Variants in DPH6 observed in about 807,000 individuals in gnomAD.
The protein encoded by DPH6 is diphthine--ammonia ligase.
Under a neutral mutation model 38.2 loss-of-function variants are expected in DPH6, and 33 were observed. The ratio of observed to expected loss-of-function variants is 0.86; its 90% CI spans 0.65 to 1.15. The LOEUF (loss-of-function observed/expected upper bound fraction) is 1.15, where lower values mean the gene tolerates loss of function less well. DPH6 is among the 50% of genes most tolerant of loss of function. The pLI, the probability that DPH6 is intolerant of heterozygous loss-of-function variation, is 0.00. For missense variants in DPH6, 325 were observed against 320.0 expected (o/e 1.02, Z -0.12); for synonymous variants, 108 against 103.0 (o/e 1.05, Z -0.30).
chr15:35,205,329 T>C, the DPH6 span, among the ~76,000 whole-genome samples: 1 of 151,972 alleles, frequency 6.6e-6, no homozygotes, highest in Non-Finnish European at 1.5e-5. Flanking sequence ...GTGTATTTTG[T>C]CCATTTGTAC....
intron 3 of DPH6, among the ~76,000 whole-genome samples, chr15:35,232,329 C>T (rs1880505523): frequency 6.6e-6 from 1 of 152,142 alleles, no homozygotes; most frequent in African/African-American, 2.4e-5. Context: ...TGCCTGTAAT[C>T]TCAACACTTT....
chr15:35,358,931 G>A (rs2052590787), intron 3 of DPH6, among the ~76,000 whole-genome samples: 1 of 152,136 alleles, frequency 6.6e-6, no homozygotes, highest in Admixed American at 6.5e-5. Context: ...GTGGTGGGTA[G>A]GGCCCTAGAA....
intron 3 of DPH6, among the ~76,000 whole-genome samples, chr15:35,517,999 G>A (rs1254347122): frequency 6.6e-6 from 1 of 152,042 alleles, no homozygotes; most frequent in Non-Finnish European, 1.5e-5. Context: ...TTGGTTCACA[G>A]AGAAACAATT....
At chr15:35,189,922 G>A in the DPH6 span, among the ~76,000 whole-genome samples, 2 of 152,166 alleles carry the variant, frequency 1.3e-5, no homozygotes, top group African/African-American at 4.8e-5. Context: ...TGATTCTCTG[G>A]AATTTGAAGA....
chr15:35,541,523 T>A (rs903198389), intron 2 of DPH6, among the ~76,000 whole-genome samples: 6 of 152,154 alleles, frequency 3.9e-5, no homozygotes, highest in African/African-American at 1.4e-4. Context: ...GCCTACTTCA[T>A]GACAGGAACT....
chr15:35,446,284 G>A lies in DPH6; in HGVS notation c.505+4401C>T, dbSNP rs2053852392. On this transcript the variant is annotated intron_variant, in intron 5 of 8. Transcript: ENST00000256538. The stretch of plus-strand genomic sequence containing the variant: ...TCTTGCTCTTCACCCAGGTTGGAGT[G>A]CAGAGGTGCAAAGACAGCTCACTGA... Among the ~76,000 whole-genome samples, 6 of 140,998 alleles carry A rather than the reference G, an allele frequency of 4.3e-5. No homozygotes were observed. In the Admixed American group the frequency reaches 4.5e-4, roughly 11 times the overall value. The allele number at this position is 140,998 out of a possible 152,430, so 92.5% of individuals were successfully genotyped here. A position where few individuals can be genotyped will look rare whatever the true frequency, so the allele number is the denominator to read the frequency against.
At chr15:35,281,885 T>C (rs957544534) in intron 3 of DPH6, among the ~76,000 whole-genome samples, 3 of 152,170 alleles carry the variant, frequency 2.0e-5, no homozygotes, top group African/African-American at 7.2e-5. Flanking sequence ...CTGCAACAAA[T>C]TGTTTGATTT....
intron 3 of DPH6, among the ~76,000 whole-genome samples, chr15:35,529,031 T>A (rs972617559): frequency 6.6e-6 from 1 of 152,204 alleles, no homozygotes; most frequent in Non-Finnish European, 1.5e-5. Context: ...CATTTCATAA[T>A]TTCCTGCTTA....
At chr15:35,343,990 G>A (rs2052442620) in intron 3 of DPH6, among the ~76,000 whole-genome samples, 1 of 151,952 alleles carries the variant, frequency 6.6e-6, no homozygotes, top group African/African-American at 2.4e-5. Context: ...GATTGATCTA[G>A]GTTTTCTCTG....
chr15:35,359,777 GTC>G (rs1400497739), intron 3 of DPH6, among the ~76,000 whole-genome samples: 3 of 152,042 alleles, frequency 2.0e-5, no homozygotes, highest in Non-Finnish European at 4.4e-5. Flanking sequence ...GTCTCATTGT[GTC>G]TGTTTTTGGA....
At chr15:35,325,239 A>G (rs577954760) in intron 3 of DPH6, among the ~76,000 whole-genome samples, 4 of 152,298 alleles carry the variant, frequency 2.6e-5, no homozygotes, top group African/African-American at 9.6e-5. Context: ...AATCTAAAAT[A>G]TTCATGGAAA....
chr15:35,487,311 C>T (rs1266733329), intron 3 of DPH6, among the ~76,000 whole-genome samples: 2 of 152,232 alleles, frequency 1.3e-5, no homozygotes, highest in Non-Finnish European at 2.9e-5. Flanking sequence ...TCTGCATTGC[C>T]CTAGCAGAGG....
intron 3 of DPH6, among the ~76,000 whole-genome samples, chr15:35,246,152 T>C (rs1450548961): frequency 6.6e-6 from 1 of 152,196 alleles, no homozygotes; most frequent in Non-Finnish European, 1.5e-5. Context: ...TATCTCCCTT[T>C]GCTGACTCTC....
chr15:35,191,940 T>C, the DPH6 span, among the ~76,000 whole-genome samples: 1 of 152,176 alleles, frequency 6.6e-6, no homozygotes, highest in Non-Finnish European at 1.5e-5. Flanking sequence ...GAGACTTAAC[T>C]CCTGTGCTCC....
chr15:35,433,098 A>G (rs576313238), intron 5 of DPH6, among the ~76,000 whole-genome samples: 3 of 152,362 alleles, frequency 2.0e-5, no homozygotes, highest in Admixed American at 6.5e-5. Context: ...TAATTGTGTC[A>G]AAGAAGTTTT....
At chr15:35,260,910 T>A (rs2051742169) in intron 3 of DPH6, among the ~76,000 whole-genome samples, 1 of 152,210 alleles carries the variant, frequency 6.6e-6, no homozygotes, top group African/African-American at 2.4e-5. Flanking sequence ...TTAGTGATAT[T>A]CATTAATTTT....
chr15:35,525,081 C>T (rs1325449839), intron 3 of DPH6, among the ~76,000 whole-genome samples: 2 of 152,038 alleles, frequency 1.3e-5, no homozygotes, highest in Non-Finnish European at 2.9e-5. Flanking sequence ...CAGTTCCTAC[C>T]CTCATGAGGT....
At chr15:35,416,278 C>G (rs1000760903) in intron 5 of DPH6, among the ~76,000 whole-genome samples, 2 of 152,022 alleles carry the variant, frequency 1.3e-5, no homozygotes, top group Non-Finnish European at 2.9e-5. Flanking sequence ...ATAGAATCAA[C>G]ATTTCACATA....
At chr15:35,424,047 CT>C (rs1188199820) in intron 5 of DPH6, among the ~76,000 whole-genome samples, 5 of 149,442 alleles carry the variant, frequency 3.3e-5, no homozygotes, top group South Asian at 2.1e-4. Flanking sequence ...TACTTGTGGT[CT>C]TTTGTGGTTC....
Sources: gnomAD v4.1 joint callset for allele counts (sites outside exome capture counted in the v4.1 genomes callset) on GRCh38, gnomAD v4.1.1 for gene constraint, MANE v1.5 for transcripts, NCBI Gene and HGNC (gene_info 2026-07-23, HGNC 2026-07-21) for gene names.